GPHN: variants seen among roughly 807,000 people sequenced by gnomAD.
GPHN encodes gephyrin.
In GPHN, 17 loss-of-function variants were observed where a neutral mutation model predicts 95.5. The observed-to-expected ratio is 0.18, with a 90% confidence interval of 0.12 to 0.27. GPHN has a LOEUF of 0.27. Among genes scored for constraint, GPHN ranks in the 10% least tolerant of loss-of-function variants. The pLI, the probability that GPHN is intolerant of heterozygous loss-of-function variation, is 1.00. For synonymous variants in GPHN, 320 were observed against 322.5 expected, an observed-to-expected ratio of 0.99 and a Z score of 0.08; for missense variants, 660 against 978.1, an observed-to-expected ratio of 0.67 and a Z score of 4.34.
At chr14:67,594,920 C>T in the GPHN span, among the ~76,000 whole-genome samples, 2 of 152,100 alleles carry the variant, frequency 1.3e-5, no homozygotes, top group African/African-American at 2.4e-5. Context: ...GAGGCCGAGG[C>T]GGGCGGATCA....
At chr14:66,661,367 G>A (rs1025987352) in intron 1 of GPHN, among the ~76,000 whole-genome samples, 4 of 152,118 alleles carry the variant, frequency 2.6e-5, no homozygotes, top group Non-Finnish European at 5.9e-5. Context: ...GGCATGGAAG[G>A]GATCACCTAG....
intron 4 of GPHN, among the ~76,000 whole-genome samples, chr14:66,855,222 C>T (rs2062749289): frequency 6.6e-6 from 1 of 152,148 alleles, no homozygotes; most frequent in African/African-American, 2.4e-5. Flanking sequence ...ATCACTACTA[C>T]CTGTTTTTAA....
At chr14:67,371,893 A>C in the GPHN span, among the ~76,000 whole-genome samples, 1 of 152,356 alleles carries the variant, frequency 6.6e-6, no homozygotes, top group East Asian at 1.9e-4. Flanking sequence ...TATGTTTTTC[A>C]AATCCAACAA....
At chr14:66,536,868 C>T (rs1282253231) in intron 1 of GPHN, among the ~76,000 whole-genome samples, 1 of 131,510 alleles carries the variant, frequency 7.6e-6, no homozygotes, top group Non-Finnish European at 1.5e-5. Flanking sequence ...TAAACTATGA[C>T]TGTAGTTTTG....
chr14:67,550,436 G>A, the GPHN span, among the ~76,000 whole-genome samples: 5 of 152,170 alleles, frequency 3.3e-5, no homozygotes, highest in South Asian at 2.1e-4. Context: ...TGATCCATCC[G>A]CCTCGGCCTC....
the GPHN span, among the ~76,000 whole-genome samples, chr14:67,465,797 T>A: frequency 0.13 from 19,353 of 152,238 alleles, 1,714 homozygotes; most frequent in African/African-American, 0.25. Context: ...GATCTTAAGA[T>A]GAGATCATCC....
chr14:67,255,098 A>C, the GPHN span, among the ~76,000 whole-genome samples: 1 of 152,128 alleles, frequency 6.6e-6, no homozygotes, highest in African/African-American at 2.4e-5. Context: ...GCAGTGAGCC[A>C]GGATTGTGCC....
At chr14:66,524,828 C>T (rs528301713) in intron 1 of GPHN, among the ~76,000 whole-genome samples, 22 of 152,222 alleles carry the variant, frequency 1.4e-4, no homozygotes, top group Admixed American at 1.2e-3. Context: ...GACCTGAACT[C>T]ATCCTTTTTT....
At chr14:67,440,706 C>T in the GPHN span, among the ~76,000 whole-genome samples, 1 of 151,594 alleles carries the variant, frequency 6.6e-6, no homozygotes, top group Non-Finnish European at 1.5e-5. Context: ...GAGCTGAGAT[C>T]GTGCCACTGC....
chr14:67,516,609 T>C, the GPHN span, among the ~76,000 whole-genome samples: 2 of 143,118 alleles, frequency 1.4e-5, no homozygotes, highest in Non-Finnish European at 3.1e-5. Flanking sequence ...CTAACCCTAA[T>C]CTGATCCTGT....
the GPHN span, among the ~76,000 whole-genome samples, chr14:67,436,914 A>C: frequency 6.6e-6 from 1 of 152,142 alleles, no homozygotes; most frequent in Non-Finnish European, 1.5e-5. Flanking sequence ...AATATTAGCC[A>C]GGCTTGGTGG....
At chr14:67,647,437 C>T in the GPHN span, 2 of 162,068 alleles carry the variant, frequency 1.2e-5, no homozygotes, top group Non-Finnish European at 2.7e-5. Flanking sequence ...TTCCCAATAC[C>T]AAGTCTTTAC....
the GPHN span, chr14:67,569,661 A>G: frequency 1.9e-6 from 1 of 527,632 alleles, no homozygotes; most frequent in Non-Finnish European, 3.4e-6. Flanking sequence ...CAACAGTGGA[A>G]CACTGTGCAA....
the GPHN span, chr14:67,302,547 T>G: frequency 1.3e-6 from 2 of 1,568,376 alleles, no homozygotes; most frequent in Non-Finnish European, 1.7e-6. Context: ...GGGGGAAAGA[T>G]GTCAATGAGG....
At chr14:66,696,892 A>C (rs2068135279) in intron 2 of GPHN, among the ~76,000 whole-genome samples, 1 of 152,236 alleles carries the variant, frequency 6.6e-6, no homozygotes, top group Non-Finnish European at 1.5e-5. Flanking sequence ...TTATCACGTA[A>C]AATTAACCAT....
intron 2 of GPHN, among the ~76,000 whole-genome samples, chr14:66,775,743 CTTATATAAAGCT>C (rs1431737396): frequency 6.6e-6 from 1 of 152,142 alleles, no homozygotes; most frequent in African/African-American, 2.4e-5. Flanking sequence ...GGCACATGAT[CTTATATAAAGCT>C]TAGTTGCTTT....
intron 10 of GPHN, among the ~76,000 whole-genome samples, chr14:67,050,902 G>C (rs1359354280): frequency 6.6e-6 from 1 of 152,230 alleles, no homozygotes; most frequent in Admixed American, 6.5e-5. Context: ...TCCCAGCCAA[G>C]GGAGGTAGTG....
intron 3 of GPHN, among the ~76,000 whole-genome samples, chr14:66,778,870 G>A (rs7145226): frequency 0.25 from 38,012 of 150,408 alleles, 9,656 homozygotes; most frequent in African/African-American, 0.62. Flanking sequence ...CGAGTAGCTT[G>A]GATTATAGGC....
chr14:67,439,557 C>T, the GPHN span, among the ~76,000 whole-genome samples: 1 of 104,280 alleles, frequency 9.6e-6, no homozygotes, highest in African/African-American at 5.4e-5. Flanking sequence ...TTCTTTCTTT[C>T]TTTCTTTCTT....
Sources: allele counts gnomAD v4.1 joint callset (sites outside exome capture counted in the v4.1 genomes callset), GRCh38; gene constraint gnomAD v4.1.1; transcripts MANE v1.5; gene names NCBI Gene and HGNC (gene_info 2026-07-23, HGNC 2026-07-21).